The following OPRD1 variants were observed in gnomAD, a reference collection of about 807,000 sequenced individuals.
The protein encoded by OPRD1 is delta-type opioid receptor.
Under a neutral mutation model 17.5 loss-of-function variants are expected in OPRD1, and 19 were observed. That is an observed-to-expected ratio of 1.09 (90% CI 0.76 to 1.60). The LOEUF (loss-of-function observed/expected upper bound fraction) is 1.60, where lower values mean the gene tolerates loss of function less well. Ranked by LOEUF, OPRD1 falls within the 40% of genes most tolerant of loss-of-function variation. OPRD1 has a pLI of 0.00. For synonymous variants in OPRD1, 256 were observed against 240.9 expected, an observed-to-expected ratio of 1.06 and a Z score of -0.58; for missense variants, 483 against 547.2, an observed-to-expected ratio of 0.88 and a Z score of 1.17.
intron 1 of OPRD1, among the ~76,000 whole-genome samples, chr1:28,817,556 C>T (rs1283471785): frequency 6.6e-6 from 1 of 152,218 alleles, no homozygotes; most frequent in African/African-American, 2.4e-5. Context: ...TTGTCTCCCT[C>T]CCCTCTCTTG....
chr1:28,838,679 A>G (rs1008788495), intron 1 of OPRD1, among the ~76,000 whole-genome samples: 1 of 152,176 alleles, frequency 6.6e-6, no homozygotes, highest in Non-Finnish European at 1.5e-5. Context: ...ATATGGGTGC[A>G]CCAGGCAGAG....
intron 1 of OPRD1, among the ~76,000 whole-genome samples, chr1:28,848,960 C>T (rs2088976351): frequency 6.6e-6 from 1 of 152,100 alleles, no homozygotes; most frequent in South Asian, 2.1e-4. Flanking sequence ...TTAGGCACCC[C>T]CATCTTTGTA....
intron 1 of OPRD1, among the ~76,000 whole-genome samples, chr1:28,854,831 T>C (rs2147748028): frequency 6.6e-6 from 1 of 152,126 alleles, no homozygotes; most frequent in Admixed American, 6.5e-5. Context: ...TTTTGTATTT[T>C]AGTAGAGACG....
Position 28,812,501 on chromosome 1 carries a change from G to A in OPRD1, c.118G>A (p.Ala40Thr). The change falls in exon 1 of 3, where the codon GCG (alanine) becomes ACG (threonine). Residue 40 changes from alanine to threonine, a missense_variant. By Grantham distance (58) the Ala-to-Thr change is moderately conservative. Transcript: ENST00000234961. The stretch of plus-strand genomic sequence containing the variant: ...CGCCAATGCGTCGGGGCCGCCAGGC[G>A]CGCGGAGCGCCTCGTCCCTCGCCCT... ...AGANASGPPGARSASSLALAI... is the reference protein window; with the variant it reads ...AGANASGPPGTRSASSLALAI... The A allele has an allele frequency of 1.3e-6, 2 of 1,562,874 alleles. No individual in the cohort carries two copies. The highest frequency in any genetic ancestry group is 1.7e-6 in the Non-Finnish European group (2 of 1,163,160).
chr1:28,827,722 A>G (rs905875242), intron 1 of OPRD1, among the ~76,000 whole-genome samples: 1 of 151,252 alleles, frequency 6.6e-6, no homozygotes, highest in African/African-American at 2.4e-5. Flanking sequence ...TCCTGTCAAT[A>G]TTGTTTTTTT....
chr1:28,818,233 C>A (rs945814431), intron 1 of OPRD1, among the ~76,000 whole-genome samples: 2 of 152,186 alleles, frequency 1.3e-5, no homozygotes, highest in African/African-American at 4.8e-5. Context: ...ATTGCCTGCA[C>A]GTGTACTCAG....
intron 1 of OPRD1, among the ~76,000 whole-genome samples, chr1:28,813,670 A>G (rs2088650309): frequency 6.6e-6 from 1 of 152,178 alleles, no homozygotes; most frequent in African/African-American, 2.4e-5. Flanking sequence ...TTAAAACAAC[A>G]AAGATGCCCT....
chr1:28,845,795 G>GA (rs35996756), intron 1 of OPRD1, among the ~76,000 whole-genome samples: 3 of 151,338 alleles, frequency 2.0e-5, no homozygotes, highest in East Asian at 3.9e-4. Flanking sequence ...TTTTGTAACA[G>GA]AAAAAAAAAT....
At chr1:28,858,616 G>T (rs1300696004) in intron 1 of OPRD1, among the ~76,000 whole-genome samples, 1 of 150,150 alleles carries the variant, frequency 6.7e-6, no homozygotes, top group African/African-American at 2.5e-5. Flanking sequence ...CGCAATCTCG[G>T]CTCACTGCAA....
At chr1:28,826,456 C>T (rs180925073) in intron 1 of OPRD1, among the ~76,000 whole-genome samples, 16 of 151,610 alleles carry the variant, frequency 1.1e-4, no homozygotes, top group Non-Finnish European at 2.1e-4. Context: ...GTCAAGCCTG[C>T]AGTGAACCGA....
rs113765296 is a variant in OPRD1, at chr1:28,828,947, G to A, written c.227+16337G>A. Among the ~76,000 whole-genome samples the A allele has an allele frequency of 9.0e-3, 1,346 of 150,320 alleles. 21 individuals are homozygous for A. The highest frequency in any genetic ancestry group is 0.038 in the Middle Eastern group (11 of 292). ...GGAGGTTGCAGTGAGCCGAGATTGC[G>A]CCACTGCACTCCACCCTGGGTAACA... is the stretch of plus-strand genomic sequence containing the variant. On this transcript the variant is annotated intron_variant, in intron 1 of 2. Coordinates refer to ENST00000234961, the MANE Select transcript of OPRD1 (RefSeq NM_000911.4).
chr1:28,856,475 C>T (rs531020016), intron 1 of OPRD1, among the ~76,000 whole-genome samples: 36 of 152,200 alleles, frequency 2.4e-4, no homozygotes, highest in Non-Finnish European at 4.1e-4. Context: ...ATCACTTCCC[C>T]TCAATGTGTC....
intron 1 of OPRD1, among the ~76,000 whole-genome samples, chr1:28,818,043 G>A (rs2088684045): frequency 6.6e-6 from 1 of 152,182 alleles, no homozygotes; most frequent in Non-Finnish European, 1.5e-5. Flanking sequence ...AAAAAATTGG[G>A]GCGATATGAC....
intron 2 of OPRD1, among the ~76,000 whole-genome samples, chr1:28,860,795 A>T (rs1332628706): frequency 1.3e-5 from 2 of 152,118 alleles, no homozygotes; most frequent in Non-Finnish European, 2.9e-5. Flanking sequence ...AAGTTTGCAG[A>T]GGGTTGATGC....
intron 1 of OPRD1, among the ~76,000 whole-genome samples, chr1:28,851,698 C>A (rs546762664): frequency 6.6e-6 from 1 of 151,542 alleles, no homozygotes; most frequent in East Asian, 1.9e-4. Flanking sequence ...ATGAAGCAAC[C>A]CCGTCTCTAC....
At chr1:28,855,600 G>A (rs543213366) in intron 1 of OPRD1, among the ~76,000 whole-genome samples, 20 of 152,288 alleles carry the variant, frequency 1.3e-4, no homozygotes, top group East Asian at 7.7e-4. Context: ...CCTACCTGGC[G>A]GGCAATCAGC....
At chr1:28,812,714 G>C in intron 1 of OPRD1, 104 bp downstream of exon 1, 1 of 1,063,304 alleles carries the variant, frequency 9.4e-7, no homozygotes, top group Non-Finnish European at 1.3e-6. Flanking sequence ...CCGCGCCTCC[G>C]CATTTCCTGC....
rs1163338572 is a variant in OPRD1 at position 28,869,490 on chromosome 1, A to G, written c.*6207A>G. 1 of 152,224 alleles carries G rather than the reference A, an allele frequency of 6.6e-6. No homozygotes were observed. Among genetic ancestry groups the G allele is most frequent in the Non-Finnish European group, 1.5e-5 (1 of 68,056 alleles). 9.4% of individuals were successfully genotyped at this position (152,224 alleles called of 1,614,324 possible). On this transcript the variant is annotated 3_prime_UTR_variant, in exon 3 of 3. Coordinates refer to ENST00000234961, the MANE Select transcript of OPRD1 (RefSeq NM_000911.4). The stretch of plus-strand genomic sequence containing the variant: ...TTGAGAGGCCACTGAGACATTATCA[A>G]TGGGTAATGTACAGCACTTCCATGG...
At chr1:28,850,203 C>T (rs2088988403) in intron 1 of OPRD1, among the ~76,000 whole-genome samples, 1 of 151,754 alleles carries the variant, frequency 6.6e-6, no homozygotes, top group Non-Finnish European at 1.5e-5. Context: ...TTTAAAAAGA[C>T]AGGGGCCAGG....
Sources: allele counts gnomAD v4.1 joint callset (sites outside exome capture counted in the v4.1 genomes callset), GRCh38; gene constraint gnomAD v4.1.1; transcripts MANE v1.5; gene names NCBI Gene and HGNC (gene_info 2026-07-23, HGNC 2026-07-21).